Variants in PHIP observed in about 807,000 individuals in gnomAD.
PHIP encodes PHIP subunit of CUL4-Ring ligase complex, also known as PH-interacting protein.
A neutral mutation model predicts 236.8 loss-of-function variants in PHIP; 54 were observed. The ratio of observed to expected loss-of-function variants is 0.23; its 90% CI spans 0.18 to 0.29. The LOEUF (loss-of-function observed/expected upper bound fraction) is 0.29, where lower values mean the gene tolerates loss of function less well. Ranked by LOEUF, PHIP falls within the 10% of genes least tolerant of loss-of-function variation. The pLI is 1.00. For synonymous variants in PHIP, 756 were observed against 718.9 expected (o/e 1.05, Z -0.83); for missense variants, 1,370 against 2,190.8 (o/e 0.63, Z 7.48).
intron 7 of PHIP, among the ~76,000 whole-genome samples, chr6:79,032,370 T>C (rs1294604039): frequency 6.6e-6 from 1 of 152,200 alleles, no homozygotes; most frequent in Non-Finnish European, 1.5e-5. Flanking sequence ...GACAGCATTT[T>C]ACCCACAGTA....
intron 8 of PHIP, 92 bp downstream of exon 8, chr6:79,025,851 T>C: frequency 1.0e-6 from 1 of 998,220 alleles, no homozygotes; most frequent in Non-Finnish European, 1.5e-6. Context: ...AAGTAACTTC[T>C]TAAAATTTAA....
At chr6:79,075,726 A>C (rs1774122555) in intron 4 of PHIP, among the ~76,000 whole-genome samples, 2 of 152,114 alleles carry the variant, frequency 1.3e-5, no homozygotes, top group Non-Finnish European at 2.9e-5. Flanking sequence ...TCATTTAAAA[A>C]ATGTAACATT....
chr6:78,984,065 A>G (rs1312485987), intron 22 of PHIP, among the ~76,000 whole-genome samples: 1 of 152,162 alleles, frequency 6.6e-6, no homozygotes, highest in African/African-American at 2.4e-5. Flanking sequence ...TGCCTCTAAA[A>G]ATACTGCTGT....
At chr6:78,990,256 TAAAAG>T (rs929794062) in intron 20 of PHIP, among the ~76,000 whole-genome samples, 8 of 151,902 alleles carry the variant, frequency 5.3e-5, no homozygotes, top group South Asian at 4.2e-4. Context: ...TTCTCCAAAA[TAAAAG>T]AAAAGAAAAG....
At chr6:79,003,236 A>G (rs1397969531) in intron 16 of PHIP, among the ~76,000 whole-genome samples, 10 of 151,830 alleles carry the variant, frequency 6.6e-5, no homozygotes, top group Admixed American at 5.9e-4. Context: ...GAGACATTTC[A>G]CCCCTACTCT....
chr6:78,939,887 T>TA lies in PHIP; in HGVS notation c.*805dup, dbSNP rs1773400776. On this transcript the variant is annotated 3_prime_UTR_variant, in exon 40 of 40. Coordinates refer to ENST00000275034, the MANE Select transcript of PHIP (RefSeq NM_017934.7). ...CTCTTTAATAACTTGCTCTTTAGAA[T>TA]ATATAGCCTTTCCAATATTGAAAAG... 1 of 152,504 alleles carries TA rather than the reference T, an allele frequency of 6.6e-6. No individual in the cohort carries two copies. The highest frequency in any genetic ancestry group is 2.4e-5 in the African/African-American group (1 of 41,442). 9.4% of individuals were successfully genotyped at this position (152,504 alleles called of 1,614,324 possible).
Position 78,945,760 on chromosome 6 carries a change from G to A in PHIP, c.4630+241C>T, listed in dbSNP as rs10943605. ...AATTGCTAGCTAGTGTGGGTACTGT[G>A]ATTTAAATTCAGGTAGTTTAGATCA... is the stretch of plus-strand genomic sequence containing the variant. On this transcript the variant is annotated intron_variant, in intron 38 of 39. Transcript: ENST00000275034. The A allele has an allele frequency of 0.49, 287,645 of 586,394 alleles. 72,579 individuals are homozygous for A. Among genetic ancestry groups the A allele is most frequent in the East Asian group, 0.67 (22,224 of 33,314 alleles). 36.3% of individuals were successfully genotyped at this position (586,394 alleles called of 1,614,324 possible).
intron 26 of PHIP, 66 bp from the exon 27 acceptor site, chr6:78,969,983 G>A (rs1767418134): frequency 8.2e-6 from 13 of 1,587,018 alleles, no homozygotes; most frequent in Non-Finnish European, 1.1e-5. Flanking sequence ...ATGTTCAAAT[G>A]TATCTGAATC....
intron 9 of PHIP, among the ~76,000 whole-genome samples, chr6:79,023,624 T>C (rs1388620840): frequency 6.6e-6 from 1 of 151,740 alleles, no homozygotes; most frequent in Non-Finnish European, 1.5e-5. Context: ...GAAAACAAAA[T>C]TATATATATA....
chr6:79,056,127 T>C (rs915539555), intron 6 of PHIP, among the ~76,000 whole-genome samples: 1 of 152,158 alleles, frequency 6.6e-6, no homozygotes, highest in Non-Finnish European at 1.5e-5. Flanking sequence ...GACCTAACAG[T>C]ATAGTAGAGG....
chr6:79,019,252 A>G, intron 9 of PHIP, 93 bp from the exon 10 acceptor site: 1 of 892,720 alleles, frequency 1.1e-6, no homozygotes, highest in Non-Finnish European at 1.8e-6. Context: ...AGAAGGACAA[A>G]ATTAAGAAGC....
At chr6:78,953,477 A>G (rs1766195811) in intron 35 of PHIP, among the ~76,000 whole-genome samples, 1 of 152,226 alleles carries the variant, frequency 6.6e-6, no homozygotes, top group Non-Finnish European at 1.5e-5. Context: ...CTGAGCTTGC[A>G]AGAACCAAAG....
intron 6 of PHIP, among the ~76,000 whole-genome samples, chr6:79,043,853 A>C (rs1772343095): frequency 6.7e-6 from 1 of 148,350 alleles, no homozygotes; most frequent in Non-Finnish European, 1.5e-5. Context: ...TCTAACAGTG[A>C]CTGCCATCTA....
chr6:79,070,335 G>A (rs1271034491), intron 4 of PHIP, among the ~76,000 whole-genome samples: 5 of 152,058 alleles, frequency 3.3e-5, no homozygotes, highest in South Asian at 4.1e-4. Flanking sequence ...TTATACTAAG[G>A]CCAATGTAAA....
Position 78,972,789 on chromosome 6 carries a change from T to C in PHIP, c.2890-1901A>G, listed in dbSNP as rs527942544. Among the ~76,000 whole-genome samples the C allele has an allele frequency of 6.3e-4, 96 of 151,802 alleles. 1 individual carries two copies. In the South Asian group the frequency reaches 7.9e-3, roughly 13 times the overall value. On this transcript the variant is annotated intron_variant, in intron 24 of 39. Coordinates refer to ENST00000275034, the MANE Select transcript of PHIP (RefSeq NM_017934.7). ...AAGAAAGGGTATCAGCAATGGAAGA[T>C]GAAATGAATGAAATGAAGCGAGAAG...
At chr6:79,063,678 G>A (rs1001074205) in intron 4 of PHIP, among the ~76,000 whole-genome samples, 1 of 152,118 alleles carries the variant, frequency 6.6e-6, no homozygotes, top group Non-Finnish European at 1.5e-5. Context: ...GGCCTCCCAA[G>A]TGCTGGGATT....
chr6:79,054,635 T>C (rs1426064118), intron 6 of PHIP, among the ~76,000 whole-genome samples: 1 of 151,228 alleles, frequency 6.6e-6, no homozygotes, highest in African/African-American at 2.4e-5. Context: ...AACTTATATA[T>C]TAAAATTATG....
intron 21 of PHIP, among the ~76,000 whole-genome samples, chr6:78,986,912 TG>T (rs1768901165): frequency 6.6e-6 from 1 of 151,246 alleles, no homozygotes; most frequent in Admixed American, 6.6e-5. Context: ...TCCCACATTT[TG>T]TGTGTTACTT....
In PHIP at chr6:79,078,073, A is replaced by G. The variant is rs1582337514; in HGVS notation, c.-5T>C. Reference sequence around the variant, plus strand: ...GCCTTTCCTCTCACAAGACATGTTTATGGGTCACTTCAGGGCCGCCGACGG... The same window carrying G: ...GCCTTTCCTCTCACAAGACATGTTTGTGGGTCACTTCAGGGCCGCCGACGG... On this transcript the variant is annotated 5_prime_UTR_variant, in exon 1 of 40. Transcript: ENST00000275034. The G allele has an allele frequency of 6.2e-7, 1 of 1,608,340 alleles. No individual in the cohort carries two copies. The highest frequency in any genetic ancestry group is 1.3e-5 in the African/African-American group (1 of 74,432).
Sources: gnomAD v4.1 joint callset for allele counts (sites outside exome capture counted in the v4.1 genomes callset) on GRCh38, gnomAD v4.1.1 for gene constraint, MANE v1.5 for transcripts, NCBI Gene and HGNC (gene_info 2026-07-23, HGNC 2026-07-21) for gene names.